Variants in MEX3C observed in about 807,000 individuals in gnomAD.
MEX3C encodes the protein RNA-binding E3 ubiquitin-protein ligase MEX3C.
MEX3C carries 15 observed loss-of-function variants against 35.5 expected under a neutral mutation model. That is an observed-to-expected ratio of 0.42 (90% CI 0.28 to 0.65). The LOEUF is 0.65. MEX3C is among the 30% of genes least tolerant of loss of function. The pLI is 0.20. For missense variants in MEX3C, 711 were observed against 842.8 expected, an observed-to-expected ratio of 0.84 and a Z score of 1.94; for synonymous variants, 390 against 352.8, an observed-to-expected ratio of 1.11 and a Z score of -1.18.
intron 1 of MEX3C, among the ~76,000 whole-genome samples, chr18:51,192,116 A>T (rs61672482): frequency 6.6e-6 from 1 of 152,212 alleles, no homozygotes; most frequent in African/African-American, 2.4e-5. Context: ...TTGTTTGAAA[A>T]TTTTCTAGAT....
rs1027613265 is a variant in MEX3C at position 51,175,090 on chromosome 18, A to C, written c.*1261T>G. ...CTTTTATACGAAATGTAACTCTTCA[A>C]GTGGAAATAAAAAATAAAATTTGTC... On this transcript the variant is annotated 3_prime_UTR_variant, in exon 2 of 2. Coordinates refer to ENST00000406189, the MANE Select transcript of MEX3C (RefSeq NM_016626.5). 6.6e-6 allele frequency: 1 copy of C among 152,656 alleles called. No individual in the cohort carries two copies. Among genetic ancestry groups the C allele is most frequent in the Non-Finnish European group, 1.5e-5 (1 of 68,034 alleles). The allele number at this position is 152,656 out of a possible 1,614,324, so 9.5% of individuals were successfully genotyped here. A position where few individuals can be genotyped will look rare whatever the true frequency, so the allele number is the denominator to read the frequency against.
intron 1 of MEX3C, among the ~76,000 whole-genome samples, chr18:51,182,074 T>C: frequency 6.6e-6 from 1 of 152,186 alleles, no homozygotes; most frequent in East Asian, 1.9e-4. Context: ...AAAAAGATAT[T>C]TGAGAGTGAG....
chr18:51,177,209 T>C lies in MEX3C; in HGVS notation c.1122A>G (p.Thr374=). Residue 374 remains threonine, a synonymous_variant, in exon 2 of 2, where the codon ACA becomes ACG. Transcript: ENST00000406189. The surrounding 1 kb of genome is among the most constrained non-coding windows in gnomAD (Gnocchi z 4.2). The part of the protein sequence containing the change: ...SRDKEPVFEV[T]GMPENVDRAR... ...CTCGGTCAACATTTTCAGGCATCCC[T>C]GTCACTTCAAAGACAGGTTCCTTAT... 6.2e-7 allele frequency: 1 copy of C among 1,613,884 alleles called. No individual in the cohort carries two copies. The highest frequency in any genetic ancestry group is 8.5e-7 in the Non-Finnish European group (1 of 1,179,900).
At position 51,196,772 on chromosome 18, in the gene MEX3C, C is replaced by A. The variant is rs1912804884; in HGVS notation, c.549G>T (p.Ala183=). 1.4e-6 allele frequency: 2 copies of A among 1,479,624 alleles called. No homozygotes were observed. The highest frequency in any genetic ancestry group is 1.8e-6 in the Non-Finnish European group (2 of 1,110,480). 91.7% of individuals were successfully genotyped at this position (1,479,624 alleles called of 1,614,324 possible). The stretch of plus-strand genomic sequence containing the variant: ...CGTCCCCTCCGTACAGCACCCCCGC[C>A]GCCGCCGCCGCGGCCGCCGCCTCCC... ...DAREAAAAAA[A]AGVLYGGDDA... Residue 183 remains alanine (A), a synonymous_variant, in exon 1 of 2, where the codon GCG becomes GCT. Transcript: ENST00000406189.
rs1912304331 is a variant in MEX3C at position 51,176,429 on chromosome 18, G to T, written c.1902C>A (p.Asn634Lys). ...GHNLFCMECANKICEKRTPSC... is the reference protein window; with the variant it reads ...GHNLFCMECAKKICEKRTPSC... ...ATGGCGTTCTCTTTTCACAGATCTT[G>T]TTGGCACATTCCATGCAGAAGAGGT... Residue 634 changes from asparagine to lysine, a missense_variant, in exon 2 of 2, where the codon AAC becomes AAA. Physicochemically the swap from Asn to Lys is moderately conservative, Grantham distance 94. Around this residue, in one of 4 missense-constraint regions of MEX3C, gnomAD observed 87 missense variants for 150.4 expected, o/e 0.58. Transcript: ENST00000406189. 4.3e-6 allele frequency: 7 copies of T among 1,613,966 alleles called. No individual in the cohort carries two copies. Among genetic ancestry groups the T allele is most frequent in the Non-Finnish European group, 5.9e-6 (7 of 1,179,888 alleles).
intron 1 of MEX3C, among the ~76,000 whole-genome samples, chr18:51,185,223 G>A (rs1028110710): frequency 7.2e-5 from 11 of 152,236 alleles, no homozygotes; most frequent in African/African-American, 2.7e-4. Context: ...ATTGCTTGCA[G>A]TGAAAGGACT....
intron 1 of MEX3C, chr18:51,195,032 T>C (rs572904669): frequency 4.6e-5 from 7 of 152,216 alleles, no homozygotes; most frequent in African/African-American, 1.7e-4. Context: ...TAGACTGTTA[T>C]CTTCTTAAGG....
chr18:51,190,134 T>C (rs1215173131), intron 1 of MEX3C, among the ~76,000 whole-genome samples: 1 of 152,078 alleles, frequency 6.6e-6, no homozygotes, highest in Non-Finnish European at 1.5e-5. Context: ...AACAAGTAGA[T>C]GAAGTAGGTT....
intron 1 of MEX3C, among the ~76,000 whole-genome samples, chr18:51,182,984 A>T (rs1289945707): frequency 6.6e-6 from 1 of 152,360 alleles, no homozygotes; most frequent in African/African-American, 2.4e-5. Flanking sequence ...AACACATGTG[A>T]AATGATGTAC....
rs777027687 is a variant in MEX3C, at chr18:51,196,666, C to T, written c.655G>A (p.Gly219Arg). 10 of 1,556,568 alleles carry T rather than the reference C, an allele frequency of 6.4e-6. No individual in the cohort carries two copies. The African/African-American group carries it at 1.4e-4, about 21-fold the overall frequency. The change falls in exon 1 of 2, where the codon GGG (glycine) becomes AGG (arginine). Residue 219 changes from glycine to arginine, a missense_variant. Physicochemically the swap from Gly to Arg is moderately radical, Grantham distance 125 (BLOSUM62 -2). Around this residue, in one of 4 missense-constraint regions of MEX3C, gnomAD observed 354 missense variants for 311.6 expected, o/e 1.14. Coordinates refer to ENST00000406189, the MANE Select transcript of MEX3C (RefSeq NM_016626.5). Reference protein sequence around the residue: ...GCGAAAAALNGEQAALLRRKS... With the variant: ...GCGAAAAALNREQAALLRRKS... ...CTCCGGAGCAGGGCCGCCTGCTCCC[C>T]GTTCAGGGCGGCCGCCGCCGCCCCA...
In MEX3C at chr18:51,196,699, C is replaced by T. The variant is rs200095925; in HGVS notation, c.622G>A (p.Gly208Ser). The change falls in exon 1 of 2, where the codon GGC becomes AGC. Residue 208 changes from glycine (G) to serine (S), a missense_variant. Around this residue, in one of 4 missense-constraint regions of MEX3C, gnomAD observed 354 missense variants for 311.6 expected, o/e 1.14. Coordinates refer to ENST00000406189, the MANE Select transcript of MEX3C (RefSeq NM_016626.5). ...GCGGCCGCCGCCGCCCCACAACCGC[C>T]GGGGCCGTAGGCGTGGGACAGCATC... Reference protein sequence around the residue: ...AAMLSHAYGPGGCGAAAAALN... With the variant: ...AAMLSHAYGPSGCGAAAAALN... 5 of 1,541,296 alleles carry T rather than the reference C, an allele frequency of 3.2e-6. No homozygotes were observed. Among genetic ancestry groups the T allele is most frequent in the East Asian group, 4.9e-5 (2 of 40,964 alleles).
At chr18:51,182,276 A>G (rs897556825) in intron 1 of MEX3C, among the ~76,000 whole-genome samples, 1 of 145,740 alleles carries the variant, frequency 6.9e-6, no homozygotes, top group Non-Finnish European at 1.6e-5. Flanking sequence ...GGTCTTGGGA[A>G]GGCATCCCTG....
chr18:51,192,257 T>C (rs1302198138), intron 1 of MEX3C, among the ~76,000 whole-genome samples: 1 of 152,158 alleles, frequency 6.6e-6, no homozygotes, highest in Non-Finnish European at 1.5e-5. Context: ...TGAATCAGAA[T>C]AGTTCATTAG....
At chr18:51,186,046 T>C (rs976522433) in intron 1 of MEX3C, among the ~76,000 whole-genome samples, 1 of 152,226 alleles carries the variant, frequency 6.6e-6, no homozygotes. Context: ...GGCTTCCACT[T>C]ATCCTAGGCG....
chr18:51,183,963 T>C (rs1341947077), intron 1 of MEX3C, among the ~76,000 whole-genome samples: 1 of 152,152 alleles, frequency 6.6e-6, no homozygotes, highest in Non-Finnish European at 1.5e-5. Context: ...ATCACACCAA[T>C]GCACTCCAGC....
chr18:51,185,111 G>A (rs537265497), intron 1 of MEX3C, among the ~76,000 whole-genome samples: 172 of 152,272 alleles, frequency 1.1e-3, no homozygotes, highest in Middle Eastern at 3.4e-3. Flanking sequence ...TCTGATATGG[G>A]TCTCAACAGG....
chr18:51,196,516 C>CA (rs761681049), intron 1 of MEX3C, 51 bp downstream of exon 1: 3 of 1,523,512 alleles, frequency 2.0e-6, no homozygotes, highest in Non-Finnish European at 2.6e-6. Context: ...CTCGTCTCCC[C>CA]ACCCACGCCC....
chr18:51,184,564 A>T (rs1405427372), intron 1 of MEX3C, among the ~76,000 whole-genome samples: 1 of 152,184 alleles, frequency 6.6e-6, no homozygotes, highest in Middle Eastern at 3.2e-3. Flanking sequence ...TTATTGTAAG[A>T]AGTAGCTTTT....
At position 51,189,409 on chromosome 18, in the gene MEX3C, C is replaced by A. The variant is rs1396116447; in HGVS notation, c.754+7158G>T. Among the ~76,000 whole-genome samples the A allele has an allele frequency of 2.0e-5, 3 of 152,074 alleles. No homozygotes were observed. In the East Asian group the frequency reaches 5.8e-4, roughly 29 times the overall value. Reference sequence around the variant, plus strand: ...AATTGTCCAGTTATAAACTAGTGACCCCTAAACCAATGTTCTCTCAAGCTG... The same window carrying A: ...AATTGTCCAGTTATAAACTAGTGACACCTAAACCAATGTTCTCTCAAGCTG... On this transcript the variant is annotated intron_variant, in intron 1 of 1. Transcript: ENST00000406189.
Sources: gnomAD v4.1 joint callset for allele counts (sites outside exome capture counted in the v4.1 genomes callset) on GRCh38, gnomAD v4.1.1 for gene constraint, gnomAD v4.1.1 regional missense constraint, Gnocchi (gnomAD v3.1) non-coding constraint, MANE v1.5 for transcripts, NCBI Gene and HGNC (gene_info 2026-07-23, HGNC 2026-07-21) for gene names.